The following PDE8B variants were observed in gnomAD, a reference collection of about 807,000 sequenced individuals.
PDE8B encodes the protein high affinity cAMP-specific and IBMX-insensitive 3',5'-cyclic phosphodiesterase 8B.
In PDE8B, 26 loss-of-function variants were observed where a neutral mutation model predicts 101.3. The ratio of observed to expected loss-of-function variants is 0.26; its 90% CI spans 0.19 to 0.36. The LOEUF is 0.36. PDE8B is among the 10% of genes least tolerant of loss of function. The pLI is 1.00. For missense variants in PDE8B, 810 were observed against 1,163.1 expected, an observed-to-expected ratio of 0.70 and a Z score of 4.42; for synonymous variants, 424 against 429.3, an observed-to-expected ratio of 0.99 and a Z score of 0.15.
chr5:77,283,069 A>C (rs1305855976), intron 1 of PDE8B, among the ~76,000 whole-genome samples: 2 of 152,130 alleles, frequency 1.3e-5, no homozygotes, highest in African/African-American at 4.8e-5. Context: ...TAATAAAAGT[A>C]TGGATATATT....
intron 12 of PDE8B, among the ~76,000 whole-genome samples, chr5:77,407,120 C>T (rs1359496447): frequency 6.6e-6 from 1 of 152,154 alleles, no homozygotes; most frequent in Non-Finnish European, 1.5e-5. Context: ...CCTCATCAAC[C>T]TTCTCTGAAA....
chr5:77,165,288 T>A, the PDE8B span: 1 of 152,254 alleles, frequency 6.6e-6, no homozygotes, highest in Non-Finnish European at 1.5e-5. Flanking sequence ...ATTACTTGCC[T>A]GTATAATTTA....
intron 1 of PDE8B, among the ~76,000 whole-genome samples, chr5:77,263,473 G>A (rs1281771815): frequency 6.6e-6 from 1 of 152,088 alleles, no homozygotes; most frequent in Non-Finnish European, 1.5e-5. Flanking sequence ...TATAGAATCT[G>A]ATAAGTACTT....
chr5:77,127,574 T>C, the PDE8B span, among the ~76,000 whole-genome samples: 1 of 152,216 alleles, frequency 6.6e-6, no homozygotes, highest in South Asian at 2.1e-4. Flanking sequence ...TAGTAAACTA[T>C]TTCCTACTGC....
chr5:77,180,938 G>C, the PDE8B span, among the ~76,000 whole-genome samples: 1 of 151,720 alleles, frequency 6.6e-6, no homozygotes, highest in African/African-American at 2.4e-5. Flanking sequence ...GTAGTGAGTC[G>C]CCGGCAGCCC....
intron 3 of PDE8B, 106 bp downstream of exon 3, chr5:77,325,835 G>A (rs1234681774): frequency 2.7e-5 from 23 of 837,178 alleles, no homozygotes; most frequent in Admixed American, 5.9e-5. Context: ...TAAAATATGC[G>A]TTGATGTTTT....
At chr5:77,166,244 A>C in the PDE8B span, among the ~76,000 whole-genome samples, 1 of 151,212 alleles carries the variant, frequency 6.6e-6, no homozygotes. Context: ...AAAAAAAAAA[A>C]AACCAACAAA....
intron 1 of PDE8B, among the ~76,000 whole-genome samples, chr5:77,231,114 A>G (rs1035886130): frequency 6.6e-6 from 1 of 152,196 alleles, no homozygotes; most frequent in Non-Finnish European, 1.5e-5. Context: ...TTGGTACTTG[A>G]TATTTGTTTT....
chr5:77,219,724 TGACAGTCTTG>T (rs1294915387), intron 1 of PDE8B, among the ~76,000 whole-genome samples: 1 of 152,156 alleles, frequency 6.6e-6, no homozygotes, highest in Non-Finnish European at 1.5e-5. Context: ...AAAAATGGAT[TGACAGTCTTG>T]GCCGAGAAAT....
At chr5:77,370,318 T>C (rs1784865043) in intron 10 of PDE8B, among the ~76,000 whole-genome samples, 1 of 152,210 alleles carries the variant, frequency 6.6e-6, no homozygotes, top group African/African-American at 2.4e-5. Flanking sequence ...AATTAATGTC[T>C]GTCCCCCAGT....
the PDE8B span, among the ~76,000 whole-genome samples, chr5:77,137,623 G>A: frequency 6.6e-6 from 1 of 152,266 alleles, no homozygotes; most frequent in South Asian, 2.1e-4. Flanking sequence ...TCCAGTGTCA[G>A]CAAGTGGCCC....
chr5:77,245,609 C>G (rs1222931741), intron 1 of PDE8B, among the ~76,000 whole-genome samples: 5 of 152,146 alleles, frequency 3.3e-5, no homozygotes, highest in Admixed American at 6.5e-5. Flanking sequence ...GTCTTTATTT[C>G]ATGGAGCAGC....
In PDE8B at chr5:77,426,033, G is replaced by C. The variant is rs1459044282; in HGVS notation, c.2548+137G>C. ...GGCTGTCAGCTTTTTGTGGCCAAGT[G>C]GGGTGGGGTGCATTCTTTGCATCCC... On this transcript the variant is annotated intron_variant, in intron 21 of 21. Transcript: ENST00000264917. 3 of 801,126 alleles carry C rather than the reference G, an allele frequency of 3.7e-6. No individual in the cohort carries two copies. The Admixed American group carries it at 6.0e-5, about 16-fold the overall frequency. 49.6% of individuals were successfully genotyped at this position (801,126 alleles called of 1,614,324 possible). A position where few individuals can be genotyped will look rare whatever the true frequency, so the allele number is the denominator to read the frequency against.
chr5:77,321,022 A>AT (rs10710933), intron 2 of PDE8B, among the ~76,000 whole-genome samples: 12 of 150,164 alleles, frequency 8.0e-5, no homozygotes, highest in African/African-American at 2.0e-4. Context: ...GGATAGTGCA[A>AT]TTTTTTTTTT....
At chr5:77,319,774 C>G (rs901919415) in intron 2 of PDE8B, among the ~76,000 whole-genome samples, 1 of 152,168 alleles carries the variant, frequency 6.6e-6, no homozygotes, top group South Asian at 2.1e-4. Flanking sequence ...TTGCATGATA[C>G]TGAAAGCACA....
chr5:77,400,369 C>A (rs898918904), intron 11 of PDE8B, 79 bp downstream of exon 11: 3 of 940,770 alleles, frequency 3.2e-6, no homozygotes, highest in South Asian at 2.6e-5. Flanking sequence ...CTGAAGAAGT[C>A]TAAGTTGACA....
chr5:77,266,371 AT>A (rs1440608006), intron 1 of PDE8B, among the ~76,000 whole-genome samples: 1 of 152,018 alleles, frequency 6.6e-6, no homozygotes, highest in Non-Finnish European at 1.5e-5. Context: ...AGTTTTTCAC[AT>A]TTTTTGTGCT....
chr5:77,125,927 A>C, the PDE8B span, among the ~76,000 whole-genome samples: 28 of 152,206 alleles, frequency 1.8e-4, 1 homozygote. Flanking sequence ...GTGCCACTCA[A>C]CTGTACACTT....
intron 1 of PDE8B, among the ~76,000 whole-genome samples, chr5:77,225,657 G>A (rs1752178573): frequency 6.6e-6 from 1 of 152,122 alleles, no homozygotes; most frequent in Non-Finnish European, 1.5e-5. Flanking sequence ...ACATAGCCAG[G>A]AAATAGATAC....
Sources: gnomAD v4.1 joint callset for allele counts (sites outside exome capture counted in the v4.1 genomes callset) on GRCh38, gnomAD v4.1.1 for gene constraint, MANE v1.5 for transcripts, NCBI Gene and HGNC (gene_info 2026-07-23, HGNC 2026-07-21) for gene names.